Variants in ICA1 observed in about 807,000 individuals in gnomAD.
ICA1 encodes the protein 69 kDa islet cell autoantigen.
In ICA1, 40 loss-of-function variants were observed where a neutral mutation model predicts 71.0. That is an observed-to-expected ratio of 0.56 (90% CI 0.44 to 0.73). The LOEUF is 0.73. ICA1 is among the 30% of genes least tolerant of loss of function. The pLI is 0.00. For synonymous variants in ICA1, 207 were observed against 209.5 expected (o/e 0.99, Z 0.10); for missense variants, 578 against 576.5 (o/e 1.00, Z -0.03).
At position 8,223,759 on chromosome 7, in the gene ICA1, T is replaced by A. The variant is rs1219829929; in HGVS notation, c.257-2361A>T. On this transcript the variant is annotated intron_variant, in intron 4 of 13. Transcript: ENST00000402384. This position sits in a 1 kb window ranked among gnomAD's most constrained non-coding sequence, Gnocchi z 4.1. ...CCTGTGCAACATAGCAAGACCCCTGTCTCTATTACAAGAAGAAAGCAAAAA... is the reference window on the plus strand; with the variant it reads ...CCTGTGCAACATAGCAAGACCCCTGACTCTATTACAAGAAGAAAGCAAAAA... 6.6e-6 allele frequency among the ~76,000 whole-genome samples: 1 copy of A among 152,016 alleles called. No individual in the cohort carries two copies. The highest frequency in any genetic ancestry group is 2.4e-5 in the African/African-American group (1 of 41,372).
chr7:8,138,943 T>C (rs1562607621), intron 11 of ICA1, 42 bp downstream of exon 11: 1 of 1,599,880 alleles, frequency 6.3e-7, no homozygotes, highest in African/African-American at 1.3e-5. Context: ...GGAGTTTGAG[T>C]CAAATAATTA....
intron 1 of ICA1, among the ~76,000 whole-genome samples, chr7:8,243,727 T>C (rs1294068352): frequency 6.6e-6 from 1 of 152,228 alleles, no homozygotes; most frequent in Non-Finnish European, 1.5e-5. Context: ...AGTCTCAGGA[T>C]ACAAAATCAA....
chr7:8,119,938 C>T (rs949485351), intron 13 of ICA1, among the ~76,000 whole-genome samples: 4 of 152,244 alleles, frequency 2.6e-5, no homozygotes, highest in South Asian at 4.2e-4. Context: ...CCTTTATAGA[C>T]AAAACAGATA....
chr7:8,131,647 C>T (rs1791484879), intron 12 of ICA1, among the ~76,000 whole-genome samples: 2 of 152,132 alleles, frequency 1.3e-5, no homozygotes, highest in Admixed American at 1.3e-4. Flanking sequence ...CAAAAACCTC[C>T]CAATTATTGC....
chr7:8,216,584 C>CAAAAAAAAAAAACAAAAAAAAAAAAAA (rs142208758), intron 6 of ICA1, among the ~76,000 whole-genome samples: 2 of 143,666 alleles, frequency 1.4e-5, no homozygotes, highest in African/African-American at 2.6e-5. Flanking sequence ...AAAACAAAAC[C>CAAAAAAAAAAAACAAAAAAAAAAAAAA]AAAAAAAAAA....
chr7:8,118,750 A>G (rs1437630510), intron 13 of ICA1, among the ~76,000 whole-genome samples: 1 of 152,128 alleles, frequency 6.6e-6, no homozygotes, highest in East Asian at 1.9e-4. Flanking sequence ...CTCCAACACT[A>G]AGTGTACCCA....
intron 6 of ICA1, among the ~76,000 whole-genome samples, chr7:8,215,926 ACT>A (rs748953275): frequency 3.3e-5 from 5 of 152,094 alleles, no homozygotes; most frequent in Admixed American, 2.0e-4. Flanking sequence ...AGAAATGGAG[ACT>A]CTGTTTAAAA....
chr7:8,257,772 T>G (rs767068776), intron 1 of ICA1, among the ~76,000 whole-genome samples: 1 of 152,190 alleles, frequency 6.6e-6, no homozygotes, highest in Non-Finnish European at 1.5e-5. Context: ...CAACGAATAT[T>G]TAGAATCAGT....
chr7:8,140,477 T>C (rs1311344313), intron 10 of ICA1, among the ~76,000 whole-genome samples: 3 of 152,174 alleles, frequency 2.0e-5, no homozygotes, highest in Non-Finnish European at 4.4e-5. Context: ...GTCCTCTCCA[T>C]CACATGTGCC....
chr7:8,206,575 C>T (rs764683165), intron 6 of ICA1, among the ~76,000 whole-genome samples: 1 of 152,064 alleles, frequency 6.6e-6, no homozygotes, highest in South Asian at 2.1e-4. Context: ...AACCCGTGCA[C>T]ATGGCACAAC....
chr7:8,189,871 TAA>T (rs1785034160), intron 6 of ICA1, among the ~76,000 whole-genome samples: 1 of 152,190 alleles, frequency 6.6e-6, no homozygotes, highest in African/African-American at 2.4e-5. Context: ...GGATTGTTTG[TAA>T]GTTGGGAACT....
At chr7:8,260,967 A>G (rs1410509335) in intron 1 of ICA1, among the ~76,000 whole-genome samples, 1 of 152,184 alleles carries the variant, frequency 6.6e-6, no homozygotes, top group Non-Finnish European at 1.5e-5. Context: ...GGACAAAAAC[A>G]TGTTTGCGAT....
At chr7:8,193,272 T>G (rs986232726) in intron 6 of ICA1, among the ~76,000 whole-genome samples, 3 of 152,248 alleles carry the variant, frequency 2.0e-5, no homozygotes, top group African/African-American at 7.2e-5. Context: ...TATGTATGCA[T>G]GCATGTATGT....
Position 8,113,437 on chromosome 7 carries a change from A to C in ICA1, c.*486T>G, listed in dbSNP as rs1783786928. 6.4e-6 allele frequency: 1 copy of C among 156,356 alleles called. No homozygotes were observed. 9.7% of individuals were successfully genotyped at this position (156,356 alleles called of 1,614,324 possible). A position where few individuals can be genotyped will look rare whatever the true frequency, so the allele number is the denominator to read the frequency against. Reference sequence around the variant, plus strand: ...AGTGTCTTTGGTTGGCCAGAGCTTCATCCAGAGCTCACTGGAAGGTGGCTT... The same window carrying C: ...AGTGTCTTTGGTTGGCCAGAGCTTCCTCCAGAGCTCACTGGAAGGTGGCTT... On this transcript the variant is annotated 3_prime_UTR_variant, in exon 14 of 14. Transcript: ENST00000402384. This position sits in a 1 kb window ranked among gnomAD's most constrained non-coding sequence, Gnocchi z 4.2.
intron 13 of ICA1, among the ~76,000 whole-genome samples, chr7:8,117,740 C>A (rs1469453427): frequency 2.0e-5 from 3 of 152,106 alleles, no homozygotes; most frequent in African/African-American, 7.2e-5. Flanking sequence ...CTGATAAGGC[C>A]CTCAAGAGAG....
At chr7:8,148,401 CT>C (rs904304725) in intron 8 of ICA1, among the ~76,000 whole-genome samples, 5 of 151,096 alleles carry the variant, frequency 3.3e-5, no homozygotes, top group South Asian at 2.1e-4. Flanking sequence ...ATTACCTTAC[CT>C]TTTTTTTTAA....
At chr7:8,179,889 T>G (rs1781697207) in intron 6 of ICA1, among the ~76,000 whole-genome samples, 1 of 152,304 alleles carries the variant, frequency 6.6e-6, no homozygotes, top group Non-Finnish European at 1.5e-5. Context: ...ATGGTCCTTT[T>G]CTTTCTAAAG....
chr7:8,143,324 T>C (rs1357660330), intron 9 of ICA1, among the ~76,000 whole-genome samples: 1 of 152,202 alleles, frequency 6.6e-6, no homozygotes, highest in Non-Finnish European at 1.5e-5. Context: ...GGAGCAGTCA[T>C]TTCCTGTACT....
chr7:8,157,201 T>A lies in ICA1; in HGVS notation c.719A>T (p.His240Leu). 1.2e-6 allele frequency: 2 copies of A among 1,605,740 alleles called. No individual in the cohort carries two copies. Among genetic ancestry groups the A allele is most frequent in the Non-Finnish European group, 1.7e-6 (2 of 1,177,476 alleles). ...MLATYQTTLL[H>L]FWEKTSHTMA... is the part of the protein sequence containing the mutation. ...AGTGTGAGAAGTTTTCTCCCAAAAA[T>A]GAAGCAGAGTGGTCTGCAAAGAAAG... Residue 240 changes from histidine (H) to leucine (L), a missense_variant, in exon 8 of 14, where the codon CAT (histidine) becomes CTT (leucine). Coordinates refer to ENST00000402384, the MANE Select transcript of ICA1 (RefSeq NM_001136020.3).
Sources: gnomAD v4.1 joint callset for allele counts (sites outside exome capture counted in the v4.1 genomes callset) on GRCh38, gnomAD v4.1.1 for gene constraint, Gnocchi (gnomAD v3.1) non-coding constraint, MANE v1.5 for transcripts, NCBI Gene and HGNC (gene_info 2026-07-23, HGNC 2026-07-21) for gene names.